The following SAMMSON variants were observed in gnomAD, a reference collection of about 807,000 sequenced individuals.
The protein encoded by SAMMSON is survival associated mitochondrial melanoma specific oncogenic non-coding RNA, also known as long intergenic non-protein coding RNA 1212.
intron 7 of SAMMSON, among the ~76,000 whole-genome samples, chr3:70,326,523 C>A (rs1372038667): frequency 6.6e-6 from 1 of 152,088 alleles, no homozygotes; most frequent in Non-Finnish European, 1.5e-5. Flanking sequence ...AGTGAACTTT[C>A]ATTTTGACTT....
In SAMMSON at chr3:70,134,311, AG is replaced by A. The variant is rs2067496895; in HGVS notation, n.507+62747del. Among the ~76,000 whole-genome samples, 5 of 151,508 alleles carry A rather than the reference AG, an allele frequency of 3.3e-5. No homozygotes were observed. The South Asian group carries it at 1.0e-3, about 32-fold the overall frequency. ...GATGTATGTGAAGAAGTTTGTGCCC[AG>A]TAGTGTTCCTGATACATAGAAAGTA... On this transcript the variant is annotated intron_variant and non_coding_transcript_variant, in intron 4 of 9. Transcript: ENST00000642114.
intron 4 of SAMMSON, among the ~76,000 whole-genome samples, chr3:70,211,147 T>C (rs889075115): frequency 1.3e-5 from 2 of 152,054 alleles, no homozygotes; most frequent in Non-Finnish European, 2.9e-5. Flanking sequence ...CTATTCTTGT[T>C]TCTTCCTTTC....
At chr3:70,047,260 G>A (rs35988325) in intron 3 of SAMMSON, among the ~76,000 whole-genome samples, 181 of 151,386 alleles carry the variant, frequency 1.2e-3, no homozygotes, top group Admixed American at 2.1e-3. Flanking sequence ...CTATTGCACA[G>A]GAACAAAAAA....
chr3:70,173,814 G>A (rs1186935499), intron 4 of SAMMSON, among the ~76,000 whole-genome samples: 1 of 151,714 alleles, frequency 6.6e-6, no homozygotes, highest in African/African-American at 2.4e-5. Context: ...TACTCATAAA[G>A]TTTTCTCCTT....
At chr3:70,423,698 C>T (rs1281918705) in intron 2 of SAMMSON, among the ~76,000 whole-genome samples, 1 of 152,116 alleles carries the variant, frequency 6.6e-6, no homozygotes, top group African/African-American at 2.4e-5. Flanking sequence ...CTCAGCTGAC[C>T]TAATTGTGTA....
intron 4 of SAMMSON, among the ~76,000 whole-genome samples, chr3:70,208,864 T>A (rs1465937717): frequency 5.9e-5 from 9 of 152,120 alleles, no homozygotes; most frequent in African/African-American, 2.2e-4. Context: ...CTTCCTTTTA[T>A]GTGCTGGCTT....
chr3:70,086,386 C>T (rs541672507), intron 4 of SAMMSON, among the ~76,000 whole-genome samples: 9 of 152,170 alleles, frequency 5.9e-5, no homozygotes, highest in East Asian at 5.8e-4. Flanking sequence ...GGATCTATTA[C>T]GTAGTAATGA....
chr3:70,124,068 C>T (rs1411009253), intron 4 of SAMMSON, among the ~76,000 whole-genome samples: 2 of 152,176 alleles, frequency 1.3e-5, no homozygotes, highest in African/African-American at 4.8e-5. Context: ...CTGGGGAAGT[C>T]ACAATCTCTC....
intron 6 of SAMMSON, among the ~76,000 whole-genome samples, chr3:70,271,572 A>C (rs557148499): frequency 1.3e-5 from 2 of 152,338 alleles, no homozygotes; most frequent in Non-Finnish European, 2.9e-5. Flanking sequence ...ACAGGCCACC[A>C]GTTGGCAAAT....
intron 4 of SAMMSON, among the ~76,000 whole-genome samples, chr3:70,103,599 GT>G (rs1470379129): frequency 6.6e-6 from 1 of 152,140 alleles, no homozygotes; most frequent in Admixed American, 6.5e-5. Context: ...TTGTCATCTA[GT>G]TTCTACTTGA....
chr3:70,379,186 G>A (rs1463319460), intron 9 of SAMMSON, among the ~76,000 whole-genome samples: 1 of 151,998 alleles, frequency 6.6e-6, no homozygotes, highest in Non-Finnish European at 1.5e-5. Context: ...GCTAATTTTT[G>A]TATTTTTAGT....
chr3:70,013,526 A>G (rs1231991551), exon 3 of SAMMSON: 11 of 152,124 alleles, frequency 7.2e-5, no homozygotes, highest in Admixed American at 7.2e-4. Context: ...TCAGGGTAGT[A>G]AGACTGAAAG....
intron 4 of SAMMSON, among the ~76,000 whole-genome samples, chr3:70,215,569 A>G (rs1701400903): frequency 6.6e-6 from 1 of 151,924 alleles, no homozygotes; most frequent in Admixed American, 6.6e-5. Flanking sequence ...GTCCCCTGCA[A>G]CTCCAATCCC....
intron 3 of SAMMSON, among the ~76,000 whole-genome samples, chr3:70,044,418 C>T (rs538473102): frequency 2.0e-5 from 3 of 152,006 alleles, no homozygotes; most frequent in Non-Finnish European, 4.4e-5. Context: ...ATGTGCTTAA[C>T]ATTCCGATGA....
intron 4 of SAMMSON, among the ~76,000 whole-genome samples, chr3:70,237,617 T>TC (rs1410006225): frequency 6.6e-6 from 1 of 152,220 alleles, no homozygotes; most frequent in African/African-American, 2.4e-5. Flanking sequence ...AAACCTAGTG[T>TC]CCTACATATA....
chr3:70,041,922 G>A (rs1265566060), intron 3 of SAMMSON, among the ~76,000 whole-genome samples: 1 of 152,054 alleles, frequency 6.6e-6, no homozygotes, highest in Non-Finnish European at 1.5e-5. Context: ...AAAATTGTTT[G>A]CAATCCATGA....
chr3:70,302,487 G>C (rs534413732), intron 7 of SAMMSON: 1 of 152,136 alleles, frequency 6.6e-6, no homozygotes, highest in Admixed American at 6.5e-5. Flanking sequence ...TTATACTAAT[G>C]TTGATTAAGT....
At chr3:70,403,473 T>G (rs1053152505) in intron 2 of SAMMSON, among the ~76,000 whole-genome samples, 4 of 152,234 alleles carry the variant, frequency 2.6e-5, no homozygotes, top group African/African-American at 9.6e-5. Flanking sequence ...CAGGTAGTTC[T>G]AGGACTTTGG....
rs144445750 is a variant in SAMMSON, at chr3:70,364,669, G to C, written n.913+6345G>C. ...GTTCAAGTCTTATTTATTTTATCCA[G>C]GACATTTTTCTTGCATTAAATCTTT... is the stretch of plus-strand genomic sequence containing the variant. On this transcript the variant is annotated intron_variant and non_coding_transcript_variant, in intron 9 of 9. Transcript: ENST00000642114. 4.5e-4 allele frequency among the ~76,000 whole-genome samples: 69 copies of C among 151,840 alleles called. No homozygotes were observed. In the East Asian group the frequency reaches 0.012, roughly 26 times the overall value.
Sources: allele counts gnomAD v4.1 joint callset (sites outside exome capture counted in the v4.1 genomes callset), GRCh38; gene constraint gnomAD v4.1.1; transcripts MANE v1.5; gene names NCBI Gene and HGNC (gene_info 2026-07-23, HGNC 2026-07-21).